The following JARID2 variants were observed in gnomAD, a reference collection of about 807,000 sequenced individuals.
JARID2 encodes protein Jumonji.
In JARID2, 21 loss-of-function variants were observed where a neutral mutation model predicts 125.6. The observed-to-expected ratio is 0.17, with a 90% confidence interval of 0.12 to 0.24. The LOEUF is 0.24. Among genes scored for constraint, JARID2 ranks in the 10% least tolerant of loss-of-function variants. JARID2 has a pLI of 1.00. For synonymous variants in JARID2, 736 were observed against 661.6 expected (o/e 1.11, Z -1.73); for missense variants, 1,303 against 1,639.6 (o/e 0.79, Z 3.55).
chr6:15,444,836 C>T lies in JARID2; in HGVS notation c.324-7170C>T, dbSNP rs565147606. ...ATGTAATCTAAATAATTGGATTTAC[C>T]AGCTTACGTTTTTAATATTGGAAAA... On this transcript the variant is annotated intron_variant, in intron 3 of 17. Coordinates refer to ENST00000341776, the MANE Select transcript of JARID2 (RefSeq NM_004973.4). Among the ~76,000 whole-genome samples the T allele has an allele frequency of 6.4e-5, 9 of 140,028 alleles. No homozygotes were observed. In the East Asian group the frequency reaches 1.7e-3, roughly 26 times the overall value. 91.9% of individuals were successfully genotyped at this position (140,028 alleles called of 152,430 possible). A position where few individuals can be genotyped will look rare whatever the true frequency, so the allele number is the denominator to read the frequency against.
chr6:15,400,841 A>G (rs1191807637), intron 2 of JARID2: 34 of 1,282,090 alleles, frequency 2.7e-5, no homozygotes, highest in South Asian at 1.4e-4. Flanking sequence ...TATTACGTAC[A>G]GGGGAGGATT....
intron 3 of JARID2, among the ~76,000 whole-genome samples, chr6:15,433,821 G>T (rs79141419): frequency 2.0e-5 from 3 of 152,126 alleles, no homozygotes; most frequent in Non-Finnish European, 4.4e-5. Flanking sequence ...TAGCATTAAT[G>T]GATGATACTG....
intron 1 of JARID2, among the ~76,000 whole-genome samples, chr6:15,274,359 A>C (rs1328101789): frequency 6.6e-6 from 1 of 152,200 alleles, no homozygotes; most frequent in Admixed American, 6.5e-5. Context: ...ATATGAAGAC[A>C]CTGGTGCATT....
intron 2 of JARID2, among the ~76,000 whole-genome samples, chr6:15,376,223 T>A (rs776839962): frequency 6.6e-6 from 1 of 152,222 alleles, no homozygotes; most frequent in Non-Finnish European, 1.5e-5. Context: ...TAAAGACTTT[T>A]AAGTCTTTTA....
intron 1 of JARID2, among the ~76,000 whole-genome samples, chr6:15,352,795 A>G (rs1482221520): frequency 6.6e-6 from 1 of 152,198 alleles, no homozygotes; most frequent in Non-Finnish European, 1.5e-5. Flanking sequence ...TAATGTGTAC[A>G]GTGGAATAAG....
chr6:15,427,114 G>A (rs1766761882), intron 3 of JARID2, among the ~76,000 whole-genome samples: 1 of 152,122 alleles, frequency 6.6e-6, no homozygotes, highest in Non-Finnish European at 1.5e-5. Context: ...ACAAGTTCCT[G>A]TTCCTGCTAG....
At chr6:15,401,501 C>T (rs978968474) in intron 2 of JARID2, among the ~76,000 whole-genome samples, 1 of 152,130 alleles carries the variant, frequency 6.6e-6, no homozygotes, top group Non-Finnish European at 1.5e-5. Flanking sequence ...TCATCCTCAC[C>T]ATAGCTCTGG....
At chr6:15,365,390 C>T (rs902521108) in intron 1 of JARID2, among the ~76,000 whole-genome samples, 2 of 152,168 alleles carry the variant, frequency 1.3e-5, no homozygotes, top group Non-Finnish European at 2.9e-5. Context: ...TCTGGCTGCT[C>T]TGTTCCCTGA....
rs989917516 is a variant in JARID2 at position 15,520,882 on chromosome 6, A to C, written c.*631A>C. The C allele has an allele frequency of 6.8e-5, 31 of 455,494 alleles. No individual in the cohort carries two copies. The highest frequency in any genetic ancestry group is 8.8e-6 in the Non-Finnish European group (2 of 226,602). 28.2% of individuals were successfully genotyped at this position (455,494 alleles called of 1,614,324 possible). A position where few individuals can be genotyped will look rare whatever the true frequency, so the allele number is the denominator to read the frequency against. On this transcript the variant is annotated 3_prime_UTR_variant, in exon 18 of 18. Transcript: ENST00000341776. ...GGAGACGGGAGCGAGTGGGCTCTCC[A>C]CCAGCACATCACTATGCATCTGTTC...
chr6:15,348,693 C>T (rs568159745), intron 1 of JARID2, among the ~76,000 whole-genome samples: 8 of 152,174 alleles, frequency 5.3e-5, no homozygotes, highest in South Asian at 2.1e-4. Context: ...CTTTATTCTT[C>T]GCTGAAACCA....
intron 11 of JARID2, among the ~76,000 whole-genome samples, chr6:15,507,843 G>A (rs1182409744): frequency 6.6e-6 from 1 of 152,200 alleles, no homozygotes; most frequent in African/African-American, 2.4e-5. Context: ...GAATGTGAAG[G>A]CCCAGGCCTT....
In JARID2 at chr6:15,418,754, G is replaced by A. The variant is rs978293463; in HGVS notation, c.323+8389G>A. ...TTGAATGTAAAGAATCATTGGAAGT[G>A]TATGGATTTCATAACTCAGTGTACT... On this transcript the variant is annotated intron_variant, in intron 3 of 17. Coordinates refer to ENST00000341776, the MANE Select transcript of JARID2 (RefSeq NM_004973.4). Among the ~76,000 whole-genome samples, 7 of 152,222 alleles carry A rather than the reference G, an allele frequency of 4.6e-5. No homozygotes were observed. The East Asian group carries it at 1.4e-3, about 29-fold the overall frequency.
At chr6:15,437,892 TG>T (rs1767279622) in intron 3 of JARID2, among the ~76,000 whole-genome samples, 1 of 151,412 alleles carries the variant, frequency 6.6e-6, no homozygotes, top group South Asian at 2.1e-4. Flanking sequence ...TAGAAGAGGG[TG>T]GAGAAAGGCC....
In JARID2 at chr6:15,399,910, T is replaced by C. The variant is rs73363180; in HGVS notation, c.182-10314T>C. Among the ~76,000 whole-genome samples the C allele has an allele frequency of 3.8e-3, 573 of 152,358 alleles. 4 individuals are homozygous for C. The highest frequency in any genetic ancestry group is 0.013 in the African/African-American group (548 of 41,584). On this transcript the variant is annotated intron_variant, in intron 2 of 17. Coordinates refer to ENST00000341776, the MANE Select transcript of JARID2 (RefSeq NM_004973.4). Reference sequence around the variant, plus strand: ...GTGGTAGTGTTGAGAGCATGTGTTTTGGACATTATCATTGCTGGTTGAAGT... The same window carrying C: ...GTGGTAGTGTTGAGAGCATGTGTTTCGGACATTATCATTGCTGGTTGAAGT...
intron 2 of JARID2, among the ~76,000 whole-genome samples, chr6:15,380,850 T>C (rs1354013788): frequency 6.6e-6 from 1 of 150,850 alleles, no homozygotes; most frequent in Non-Finnish European, 1.5e-5. Flanking sequence ...AATAAAAAAA[T>C]GTCAGGTCAC....
intron 9 of JARID2, among the ~76,000 whole-genome samples, chr6:15,505,816 A>G (rs1323162511): frequency 6.6e-6 from 1 of 152,260 alleles, no homozygotes; most frequent in Admixed American, 6.5e-5. Flanking sequence ...ACCGTGGTCT[A>G]GGACACGTGT....
At chr6:15,407,780 A>C (rs963744640) in intron 2 of JARID2, among the ~76,000 whole-genome samples, 1 of 152,070 alleles carries the variant, frequency 6.6e-6, no homozygotes, top group East Asian at 1.9e-4. Context: ...TTCTTCACTT[A>C]CTACTGAGTG....
intron 3 of JARID2, among the ~76,000 whole-genome samples, chr6:15,419,071 C>G (rs747467825): frequency 6.6e-6 from 1 of 151,888 alleles, no homozygotes; most frequent in Non-Finnish European, 1.5e-5. Context: ...AGTTTTTACT[C>G]ATTCCTGTAT....
At chr6:15,469,580 C>CGGG in intron 5 of JARID2, among the ~76,000 whole-genome samples, 1 of 150,372 alleles carries the variant, frequency 6.7e-6, no homozygotes, top group East Asian at 2.0e-4. Context: ...CTACAGGCCC[C>CGGG]CACGTATTAC....
Sources: gnomAD v4.1 joint callset for allele counts (sites outside exome capture counted in the v4.1 genomes callset) on GRCh38, gnomAD v4.1.1 for gene constraint, MANE v1.5 for transcripts, NCBI Gene and HGNC (gene_info 2026-07-23, HGNC 2026-07-21) for gene names.